WTIP: variants seen among roughly 807,000 people sequenced by gnomAD.
WTIP encodes Wilms tumor protein 1-interacting protein.
In WTIP, 23 loss-of-function variants were observed where a neutral mutation model predicts 41.7. The observed-to-expected ratio is 0.55, with a 90% CI of 0.40 to 0.78. WTIP has a LOEUF of 0.78. Ranked by LOEUF, WTIP falls within the 30% of genes least tolerant of loss-of-function variation. The pLI is 0.00. For synonymous variants in WTIP, 314 were observed against 269.9 expected (o/e 1.16, Z -1.60); for missense variants, 619 against 610.5 (o/e 1.01, Z -0.15).
Position 34,503,887 on chromosome 19 carries a change from A to C in WTIP, c.*3618A>C, listed in dbSNP as rs1247328803. On this transcript the variant is annotated 3_prime_UTR_variant, in exon 8 of 8. Coordinates refer to ENST00000590071, the MANE Select transcript of WTIP (RefSeq NM_001080436.2). ...AAAGGGCCAAGCGCTGTCCACGTGG[A>C]CACATCCTATGTGGGCGTGAGTGCT... 2 of 152,258 alleles carry C rather than the reference A, an allele frequency of 1.3e-5. No homozygotes were observed. The highest frequency in any genetic ancestry group is 4.8e-5 in the African/African-American group (2 of 41,392). 9.4% of individuals were successfully genotyped at this position (152,258 alleles called of 1,614,324 possible).
chr19:34,491,711 C>T (rs1367823667), intron 2 of WTIP, among the ~76,000 whole-genome samples: 2 of 152,098 alleles, frequency 1.3e-5, no homozygotes, highest in Non-Finnish European at 2.9e-5. Context: ...GTGGCGAGAT[C>T]TCGGCTCACT....
Position 34,508,337 on chromosome 19 carries a change from A to G in WTIP, c.*8068A>G, listed in dbSNP as rs1373761693. 6.6e-6 allele frequency: 1 copy of G among 151,992 alleles called. No homozygotes were observed. The highest frequency in any genetic ancestry group is 1.5e-5 in the Non-Finnish European group (1 of 68,024). 9.4% of individuals were successfully genotyped at this position (151,992 alleles called of 1,614,324 possible). ...TGATCTACCCGCCTCAGCCTCCTAA[A>G]GTGCTAGGATTATAGGTGTGAGCCA... is the stretch of plus-strand genomic sequence containing the variant. On this transcript the variant is annotated 3_prime_UTR_variant, in exon 8 of 8. Coordinates refer to ENST00000590071, the MANE Select transcript of WTIP (RefSeq NM_001080436.2).
rs1367707100 is a variant in WTIP, at chr19:34,482,295, C to T, written c.321C>T (p.Ser107=). The change falls in exon 1 of 8, where the codon TCC becomes TCT. Residue 107 remains serine, a synonymous_variant. Coordinates refer to ENST00000590071, the MANE Select transcript of WTIP (RefSeq NM_001080436.2). ...GCGGCGGTGGCGGCAGCGCCCGATC[C>T]AGCGGCATCAGCCTGGGCTACGACC... ...DGGGGGGSAR[S]SGISLGYDQR... is the part of the protein sequence containing the mutation. 11 of 1,358,766 alleles carry T rather than the reference C, an allele frequency of 8.1e-6. No homozygotes were observed. The highest frequency in any genetic ancestry group is 1.5e-5 in the African/African-American group (1 of 65,072). The allele number at this position is 1,358,766 out of a possible 1,614,324, so 84.2% of individuals were successfully genotyped here. A position where few individuals can be genotyped will look rare whatever the true frequency, so the allele number is the denominator to read the frequency against.
chr19:34,494,414 A>G (rs532729046), intron 5 of WTIP, among the ~76,000 whole-genome samples, 172 bp from the exon 6 acceptor site: 233 of 150,288 alleles, frequency 1.6e-3, no homozygotes, highest in Non-Finnish European at 3.0e-3. Flanking sequence ...AGAAGAGGCC[A>G]GTACAGGAAG....
chr19:34,483,235 G>T (rs2075779842), intron 1 of WTIP, among the ~76,000 whole-genome samples: 1 of 146,390 alleles, frequency 6.8e-6, no homozygotes, highest in Admixed American at 6.9e-5. Context: ...TGTTGCCCAG[G>T]CTGGTCTTAA....
chr19:34,482,337 G>A lies in WTIP; in HGVS notation c.363G>A (p.Pro121=). ...GCTACGACCAGCGCCACGGCAGCCC[G>A]CGCTCCGGTCGCTCGGACCCGCGTC... ...SLGYDQRHGS[P]RSGRSDPRPG... The change falls in exon 1 of 8, where the codon CCG becomes CCA. Residue 121 remains proline, a synonymous_variant. Transcript: ENST00000590071. The A allele has an allele frequency of 9.4e-6, 13 of 1,385,024 alleles. No individual in the cohort carries two copies. Among genetic ancestry groups the A allele is most frequent in the Admixed American group, 5.5e-5 (2 of 36,354 alleles). The allele number at this position is 1,385,024 out of a possible 1,614,324, so 85.8% of individuals were successfully genotyped here.
At chr19:34,489,185 C>T (rs11882262) in intron 1 of WTIP, among the ~76,000 whole-genome samples, 54,921 of 121,476 alleles carry the variant, frequency 0.45, 12,949 homozygotes, top group African/African-American at 0.64. Context: ...GGCGACAGAG[C>T]GAGACTCTAT....
chr19:34,493,254 C>G lies in WTIP; in HGVS notation c.838-9C>G, dbSNP rs368695083. ...CACACAATGTCCTGGATCCTGTGTCCCCTCCCAGTACTCCGGGTTCCAGCA... is the reference window on the plus strand; with the variant it reads ...CACACAATGTCCTGGATCCTGTGTCGCCTCCCAGTACTCCGGGTTCCAGCA... On this transcript the variant is annotated splice_polypyrimidine_tract_variant and intron_variant, in intron 3 of 7. Coordinates refer to ENST00000590071, the MANE Select transcript of WTIP (RefSeq NM_001080436.2). This position sits in a 1 kb window ranked among gnomAD's most constrained non-coding sequence, Gnocchi z 4.1. 111 of 1,613,610 alleles carry G rather than the reference C, an allele frequency of 6.9e-5. No homozygotes were observed. In the African/African-American group the frequency reaches 1.2e-3, roughly 18 times the overall value.
Position 34,493,033 on chromosome 19 carries a change from G to A in WTIP, c.770-4G>A. 6.2e-7 allele frequency: 1 copy of A among 1,613,882 alleles called. No homozygotes were observed. The highest frequency in any genetic ancestry group is 8.5e-7 in the Non-Finnish European group (1 of 1,179,856). ...GGGACCCCTCTCAACCCTCACCCTT[G>A]CAGGGAGACGACTCCGTGGGAAGGC... On this transcript the variant is annotated splice_polypyrimidine_tract_variant and splice_region_variant and intron_variant, in intron 2 of 7. Transcript: ENST00000590071. This position sits in a 1 kb window ranked among gnomAD's most constrained non-coding sequence, Gnocchi z 4.1.
intron 1 of WTIP, among the ~76,000 whole-genome samples, chr19:34,486,510 G>T (rs2075798176): frequency 6.6e-6 from 1 of 151,928 alleles, no homozygotes; most frequent in Admixed American, 6.6e-5. Flanking sequence ...TGGGATTAGA[G>T]GTGCCCACCA....
At chr19:34,495,859 A>AT (rs1173925276) in intron 7 of WTIP, 88 bp downstream of exon 7, 1 of 1,422,176 alleles carries the variant, frequency 7.0e-7, no homozygotes, top group Non-Finnish European at 9.7e-7. Context: ...GGCTTACCTT[A>AT]TCAAAATTTT....
At chr19:34,497,847 G>A (rs542183279) in intron 7 of WTIP, among the ~76,000 whole-genome samples, 24 of 152,296 alleles carry the variant, frequency 1.6e-4, no homozygotes, top group Admixed American at 7.8e-4. Context: ...GGACCTCCGC[G>A]TCCCTCCACT....
chr19:34,484,551 G>A lies in WTIP; in HGVS notation c.667+1910G>A, dbSNP rs577815417. ...CATCTCCCGTGTCAGGCAGGTGCCA[G>A]GAAGAGAGGCTGGGGCTGAGTTTTG... is the stretch of plus-strand genomic sequence containing the variant. On this transcript the variant is annotated intron_variant, in intron 1 of 7. Transcript: ENST00000590071. 3.9e-5 allele frequency among the ~76,000 whole-genome samples: 6 copies of A among 152,314 alleles called. No homozygotes were observed. In the South Asian group the frequency reaches 1.2e-3, roughly 32 times the overall value.
At position 34,509,958 on chromosome 19, in the gene WTIP, CA is replaced by C. The variant is rs1398053855; in HGVS notation, c.*9690del. On this transcript the variant is annotated 3_prime_UTR_variant, in exon 8 of 8. Coordinates refer to ENST00000590071, the MANE Select transcript of WTIP (RefSeq NM_001080436.2). ...GTGTTCCCATAGTCGTAGGCAGCTC[CA>C]CCCCTGTGGCTTTGCAGGGCATAGC... 1 of 152,194 alleles carries C rather than the reference CA, an allele frequency of 6.6e-6. No individual in the cohort carries two copies. Among genetic ancestry groups the C allele is most frequent in the South Asian group, 2.1e-4 (1 of 4,828 alleles). The allele number at this position is 152,194 out of a possible 1,614,324, so 9.4% of individuals were successfully genotyped here. A position where few individuals can be genotyped will look rare whatever the true frequency, so the allele number is the denominator to read the frequency against.
In WTIP at chr19:34,482,242, C is replaced by A; in HGVS notation, c.268C>A (p.Arg90=). ...ELSAQPAGSP[R]ASLAGSDGGG... ...CAGCGCGCAGCCTGCGGGCAGCCCA[C>A]GGGCCAGCCTGGCGGGGTCCGACGG... Residue 90 remains arginine (R), a synonymous_variant, in exon 1 of 8, where the codon CGG becomes AGG. Transcript: ENST00000590071. The A allele has an allele frequency of 1.6e-6, 2 of 1,221,796 alleles. No individual in the cohort carries two copies. Among genetic ancestry groups the A allele is most frequent in the Non-Finnish European group, 2.0e-6 (2 of 979,498 alleles). 75.7% of individuals were successfully genotyped at this position (1,221,796 alleles called of 1,614,324 possible). A position where few individuals can be genotyped will look rare whatever the true frequency, so the allele number is the denominator to read the frequency against.
rs1468984257 is a variant in WTIP at position 34,484,622 on chromosome 19, C to T, written c.667+1981C>T. Among the ~76,000 whole-genome samples the T allele has an allele frequency of 3.3e-4, 50 of 152,214 alleles. 1 individual carries two copies. The highest frequency in any genetic ancestry group is 3.4e-3 in the Middle Eastern group (1 of 294). On this transcript the variant is annotated intron_variant, in intron 1 of 7. Coordinates refer to ENST00000590071, the MANE Select transcript of WTIP (RefSeq NM_001080436.2). ...CCTCTGCAGGGGAGAGTGCCCATTT[C>T]CCGGCCCCTGTGTACTGCAGAGCCC...
chr19:34,482,097 T>C lies in WTIP; in HGVS notation c.123T>C (p.Pro41=). 9.6e-7 allele frequency: 1 copy of C among 1,040,760 alleles called. No homozygotes were observed. The allele number at this position is 1,040,760 out of a possible 1,614,324, so 64.5% of individuals were successfully genotyped here. The change falls in exon 1 of 8, where the codon CCT becomes CCC. Residue 41 remains proline, a synonymous_variant. Transcript: ENST00000590071. ...GRGRRGPRPG[P]GDEAAPALGR... ...GGCGGCGGGGGCCGCGGCCTGGGCC[T>C]GGAGACGAGGCGGCGCCCGCGCTGG...
At chr19:34,496,852 C>T (rs548223950) in intron 7 of WTIP, among the ~76,000 whole-genome samples, 4 of 151,278 alleles carry the variant, frequency 2.6e-5, no homozygotes, top group African/African-American at 9.7e-5. Context: ...TGGCGTGTGG[C>T]GCTCTCTTCT....
Position 34,493,024 on chromosome 19 carries a change from C to T in WTIP, c.770-13C>T. On this transcript the variant is annotated splice_polypyrimidine_tract_variant and intron_variant, in intron 2 of 7. Coordinates refer to ENST00000590071, the MANE Select transcript of WTIP (RefSeq NM_001080436.2). This position sits in a 1 kb window ranked among gnomAD's most constrained non-coding sequence, Gnocchi z 4.1. ...AGCGTTCCAGGGACCCCTCTCAACCCTCACCCTTGCAGGGAGACGACTCCG... is the reference window on the plus strand; with the variant it reads ...AGCGTTCCAGGGACCCCTCTCAACCTTCACCCTTGCAGGGAGACGACTCCG... 1.9e-6 allele frequency: 3 copies of T among 1,613,896 alleles called. No individual in the cohort carries two copies. The highest frequency in any genetic ancestry group is 4.5e-5 in the East Asian group (2 of 44,874).
Sources: allele counts gnomAD v4.1 joint callset (sites outside exome capture counted in the v4.1 genomes callset), GRCh38; gene constraint gnomAD v4.1.1; non-coding constraint Gnocchi (gnomAD v3.1); transcripts MANE v1.5; gene names NCBI Gene and HGNC (gene_info 2026-07-23, HGNC 2026-07-21).